Variants in PPM1A observed in about 807,000 individuals in gnomAD.
The protein encoded by PPM1A is protein phosphatase 1A.
PPM1A carries 7 observed loss-of-function variants against 35.0 expected under a neutral mutation model. The ratio of observed to expected loss-of-function variants is 0.20; its 90% CI spans 0.11 to 0.38. The LOEUF (loss-of-function observed/expected upper bound fraction) is 0.38, where lower values mean the gene tolerates loss of function less well. PPM1A is among the 10% of genes least tolerant of loss of function. The pLI is 1.00. For synonymous variants in PPM1A, 153 were observed against 167.3 expected, an observed-to-expected ratio of 0.91 and a Z score of 0.66; for missense variants, 239 against 467.8, an observed-to-expected ratio of 0.51 and a Z score of 4.51.
At chr14:60,276,667 C>T (rs1885798378) in intron 1 of PPM1A, among the ~76,000 whole-genome samples, 1 of 152,126 alleles carries the variant, frequency 6.6e-6, no homozygotes, top group Non-Finnish European at 1.5e-5. Flanking sequence ...TTTTATTACT[C>T]AACTTTTTAA....
At chr14:60,275,440 T>C (rs1885637550) in intron 1 of PPM1A, among the ~76,000 whole-genome samples, 1 of 152,142 alleles carries the variant, frequency 6.6e-6, no homozygotes, top group African/African-American at 2.4e-5. Flanking sequence ...TGATTCATTA[T>C]GCAAGTTATC....
chr14:60,278,467 A>G (rs1455674912), intron 1 of PPM1A, among the ~76,000 whole-genome samples: 1 of 152,130 alleles, frequency 6.6e-6, no homozygotes, highest in African/African-American at 2.4e-5. Context: ...ATGTTCCTAA[A>G]TTCCCTCTTT....
intron 1 of PPM1A, among the ~76,000 whole-genome samples, chr14:60,251,429 G>C (rs1882401378): frequency 6.6e-6 from 1 of 152,046 alleles, no homozygotes; most frequent in African/African-American, 2.4e-5. Flanking sequence ...GAGGGGCTGA[G>C]GTATATGACC....
chr14:60,287,788 T>C (rs569995039), intron 3 of PPM1A: 279 of 983,038 alleles, frequency 2.8e-4, no homozygotes, highest in Admixed American at 7.4e-4. Flanking sequence ...TTGTGGTCCT[T>C]CTAAGCCAAT....
In PPM1A at chr14:60,249,728, C is replaced by T. The variant is rs1208317501; in HGVS notation, c.-21+51C>T. The T allele has an allele frequency of 4.1e-6, 4 of 968,496 alleles. No homozygotes were observed. The highest frequency in any genetic ancestry group is 9.2e-5 in the South Asian group (2 of 21,680). 60.0% of individuals were successfully genotyped at this position (968,496 alleles called of 1,614,324 possible). A position where few individuals can be genotyped will look rare whatever the true frequency, so the allele number is the denominator to read the frequency against. Reference sequence around the variant, plus strand: ...CGGGCTGGCGGGCGGTGCGGGCCTGCGCGGCGGCGGCGGCGGGCAGGCCTG... The same window carrying T: ...CGGGCTGGCGGGCGGTGCGGGCCTGTGCGGCGGCGGCGGCGGGCAGGCCTG... On this transcript the variant is annotated intron_variant, in intron 1 of 5. Transcript: ENST00000395076. This position sits in a 1 kb window ranked among gnomAD's most constrained non-coding sequence, Gnocchi z 4.5.
intron 1 of PPM1A, among the ~76,000 whole-genome samples, chr14:60,253,880 C>T (rs952588588): frequency 6.6e-6 from 1 of 152,140 alleles, no homozygotes; most frequent in African/African-American, 2.4e-5. Context: ...TAAAACTAAC[C>T]TTTGAAAGAA....
chr14:60,245,765 G>C, upstream of PPM1A: 1 of 1,257,384 alleles, frequency 8.0e-7, no homozygotes, highest in South Asian at 1.6e-5. The surrounding 1 kb of genome is among the most constrained non-coding windows in gnomAD (Gnocchi z 4.2). Context: ...GTATTATGAT[G>C]TAGGGGAGGG....
At chr14:60,286,050 C>T (rs1456323071) in intron 3 of PPM1A, 17 of 1,018,646 alleles carry the variant, frequency 1.7e-5, no homozygotes, top group Non-Finnish European at 1.8e-5. Context: ...TAATTTTATG[C>T]CGGGAAAATC....
rs1207916286 is a variant in PPM1A at position 60,282,736 on chromosome 14, A to G, written c.33A>G (p.Glu11=). The stretch of plus-strand genomic sequence containing the variant: ...CATTTTTAGACAAGCCAAAGATGGA[A>G]AAGCATAATGCCCAGGGGCAGGGTA... MGAFLDKPKM[E]KHNAQGQGNG... is the part of the protein sequence containing the mutation. The change falls in exon 2 of 6, where the codon GAA becomes GAG. Residue 11 remains glutamate, a synonymous_variant. Transcript: ENST00000395076. The surrounding 1 kb of genome is among the most constrained non-coding windows in gnomAD (Gnocchi z 5.1). 1 of 1,614,266 alleles carries G rather than the reference A, an allele frequency of 6.2e-7. No individual in the cohort carries two copies. The highest frequency in any genetic ancestry group is 1.7e-5 in the Admixed American group (1 of 60,030).
rs1472769410 is a variant in PPM1A at position 60,295,850 on chromosome 14, TC to T, written c.*3370del. 1.3e-5 allele frequency: 2 copies of T among 151,702 alleles called. No homozygotes were observed. The highest frequency in any genetic ancestry group is 3.0e-5 in the Non-Finnish European group (2 of 67,698). 9.4% of individuals were successfully genotyped at this position (151,702 alleles called of 1,614,324 possible). ...CTGCCCTAAAGACCTTGTTTATACT[TC>T]CTTTACTCACCTGAAAACTGTTCTC... On this transcript the variant is annotated 3_prime_UTR_variant, in exon 6 of 6. Coordinates refer to ENST00000395076, the MANE Select transcript of PPM1A (RefSeq NM_021003.5).
intron 3 of PPM1A, chr14:60,286,906 T>C: frequency 3.2e-6 from 3 of 947,624 alleles, no homozygotes; most frequent in Non-Finnish European, 3.8e-6. Context: ...GGTCTTGGAA[T>C]TTTTATATTT....
Position 60,292,819 on chromosome 14 carries a change from A to G in PPM1A, c.*337A>G, listed in dbSNP as rs570340866. The G allele has an allele frequency of 3.4e-4, 69 of 202,076 alleles. 1 individual carries two copies. Among genetic ancestry groups the G allele is most frequent in the Non-Finnish European group, 5.7e-4 (57 of 100,458 alleles). The allele number at this position is 202,076 out of a possible 1,614,324, so 12.5% of individuals were successfully genotyped here. On this transcript the variant is annotated 3_prime_UTR_variant, in exon 6 of 6. Coordinates refer to ENST00000395076, the MANE Select transcript of PPM1A (RefSeq NM_021003.5). The surrounding 1 kb of genome is among the most constrained non-coding windows in gnomAD (Gnocchi z 4.2). ...ATTTAATTATGAACTGCTTTAAATC[A>G]CTATCAAAGTTACAAGAAATGTTTG...
intron 3 of PPM1A, among the ~76,000 whole-genome samples, chr14:60,288,722 C>T (rs567285311): frequency 4.0e-5 from 6 of 151,802 alleles, no homozygotes; most frequent in African/African-American, 1.2e-4. Flanking sequence ...GATCAAAGGA[C>T]GAATCTTTAT....
intron 1 of PPM1A, among the ~76,000 whole-genome samples, chr14:60,257,357 A>G (rs912471023): frequency 5.3e-5 from 8 of 152,220 alleles, no homozygotes; most frequent in African/African-American, 1.7e-4. Context: ...GAGATTATCA[A>G]TATATGACTG....
chr14:60,261,933 CT>C (rs1883788838), intron 1 of PPM1A, among the ~76,000 whole-genome samples: 1 of 152,174 alleles, frequency 6.6e-6, no homozygotes, highest in South Asian at 2.1e-4. Flanking sequence ...GGAATACACA[CT>C]GTTAGACTGT....
At chr14:60,269,364 A>T (rs1595309773) in intron 1 of PPM1A, among the ~76,000 whole-genome samples, 1 of 151,918 alleles carries the variant, frequency 6.6e-6, no homozygotes, top group South Asian at 2.1e-4. Context: ...ATATTTGATC[A>T]TGTCTTCTTC....
chr14:60,255,159 G>GT (rs869066455), intron 1 of PPM1A, among the ~76,000 whole-genome samples: 3,294 of 100,690 alleles, frequency 0.033, 307 homozygotes, highest in Admixed American at 0.09. Flanking sequence ...TCTATCATAT[G>GT]TTTTTTTTTT....
chr14:60,261,822 T>G (rs1883776372), intron 1 of PPM1A, among the ~76,000 whole-genome samples: 1 of 152,220 alleles, frequency 6.6e-6, no homozygotes, highest in African/African-American at 2.4e-5. Context: ...CCTGAGATTT[T>G]AGGGGCATTC....
chr14:60,262,686 A>G (rs1883885241), intron 1 of PPM1A, among the ~76,000 whole-genome samples: 1 of 152,150 alleles, frequency 6.6e-6, no homozygotes. Flanking sequence ...ACCCTACCTC[A>G]AACAAACAAA....
Sources: gnomAD v4.1 joint callset for allele counts (sites outside exome capture counted in the v4.1 genomes callset) on GRCh38, gnomAD v4.1.1 for gene constraint, Gnocchi (gnomAD v3.1) non-coding constraint, MANE v1.5 for transcripts, NCBI Gene and HGNC (gene_info 2026-07-23, HGNC 2026-07-21) for gene names.